DDAH1: variants seen among roughly 807,000 people sequenced by gnomAD.
DDAH1 encodes N(G),N(G)-dimethylarginine dimethylaminohydrolase 1.
In DDAH1, 19 loss-of-function variants were observed where a neutral mutation model predicts 28.8. That is an observed-to-expected ratio of 0.66 (90% CI 0.46 to 0.97). The LOEUF (loss-of-function observed/expected upper bound fraction) is 0.97, where lower values mean the gene tolerates loss of function less well. Among genes scored for constraint, DDAH1 ranks in the 50% least tolerant of loss-of-function variants. The probability of loss-of-function intolerance (pLI) is 0.00; values close to 1 mark genes in which losing one functional copy is unlikely to be tolerated. For missense variants in DDAH1, 326 were observed against 375.9 expected, an observed-to-expected ratio of 0.87 and a Z score of 1.10; for synonymous variants, 153 against 154.4, an observed-to-expected ratio of 0.99 and a Z score of 0.07.
chr1:85,471,890 G>T (rs527637463), intron 2 of DDAH1, among the ~76,000 whole-genome samples: 2 of 152,158 alleles, frequency 1.3e-5, no homozygotes, highest in Non-Finnish European at 2.9e-5. Flanking sequence ...GTGTTCCTCT[G>T]TTGGGGCTCA....
At chr1:85,536,112 C>T (rs1248614699) in intron 1 of DDAH1, among the ~76,000 whole-genome samples, 55 of 151,764 alleles carry the variant, frequency 3.6e-4, no homozygotes, top group African/African-American at 9.7e-4. Flanking sequence ...TGGCACGTGC[C>T]TGTAATCCCA....
intron 1 of DDAH1, among the ~76,000 whole-genome samples, chr1:85,519,977 T>C (rs1434598692): frequency 7.2e-6 from 1 of 138,946 alleles, no homozygotes; most frequent in African/African-American, 2.6e-5. Context: ...TTCCCCTTTA[T>C]TTATTTATTT....
Position 85,558,869 on chromosome 1 carries a change from G to C in DDAH1, c.-123+19115C>G, listed in dbSNP as rs528296660. 4.4e-4 allele frequency among the ~76,000 whole-genome samples: 67 copies of C among 152,106 alleles called. 1 individual carries two copies. In the Middle Eastern group the frequency reaches 0.02, roughly 46 times the overall value. On this transcript the variant is annotated intron_variant, in intron 1 of 6. Transcript: ENST00000426972. ...GCTCTGCTTTTGTTTAATTAACATT[G>C]GTTTGAGAGCCTTTTCTCAAGTCAT...
intron 2 of DDAH1, among the ~76,000 whole-genome samples, chr1:85,492,306 A>T (rs1337436154): frequency 6.6e-6 from 1 of 152,252 alleles, no homozygotes; most frequent in African/African-American, 2.4e-5. Context: ...AAAAAAATGC[A>T]AAAATGGACT....
At chr1:85,324,202 TG>T (rs1472987345) in intron 5 of DDAH1, among the ~76,000 whole-genome samples, 1 of 150,462 alleles carries the variant, frequency 6.6e-6, no homozygotes, top group Non-Finnish European at 1.5e-5. Context: ...GCCCGGGAGG[TG>T]GGGTTGCAGT....
At chr1:85,333,647 A>C (rs578098655) in intron 4 of DDAH1, among the ~76,000 whole-genome samples, 7 of 152,224 alleles carry the variant, frequency 4.6e-5, no homozygotes, top group African/African-American at 1.7e-4. Flanking sequence ...AAAAGAACCA[A>C]AGAGAAATCC....
chr1:85,578,125 G>T, exon 1 of DDAH1: 2 of 393,108 alleles, frequency 5.1e-6, no homozygotes, highest in Non-Finnish European at 6.9e-6. Context: ...TGTTTCTCTT[G>T]CCTAATGTCG....
intron 1 of DDAH1, among the ~76,000 whole-genome samples, chr1:85,401,765 A>T (rs1652121551): frequency 6.6e-6 from 1 of 152,026 alleles, no homozygotes; most frequent in African/African-American, 2.4e-5. Flanking sequence ...GGCCTCCCAA[A>T]GTGCTGGGAT....
At chr1:85,427,509 AGT>A (rs1653463886) in intron 1 of DDAH1, among the ~76,000 whole-genome samples, 4 of 152,212 alleles carry the variant, frequency 2.6e-5, no homozygotes, top group Non-Finnish European at 5.9e-5. Flanking sequence ...CTTTTACAGC[AGT>A]GAGATCTTTA....
At chr1:85,448,901 T>C (rs781632679) in intron 1 of DDAH1, among the ~76,000 whole-genome samples, 2 of 152,176 alleles carry the variant, frequency 1.3e-5, no homozygotes, top group Non-Finnish European at 2.9e-5. Flanking sequence ...AAGAACAAGT[T>C]TGTTAAACTG....
chr1:85,442,889 T>G (rs892795105), intron 1 of DDAH1, among the ~76,000 whole-genome samples: 1 of 152,230 alleles, frequency 6.6e-6, no homozygotes, highest in Non-Finnish European at 1.5e-5. Flanking sequence ...TTTTTTCTTG[T>G]AAATTTGTTT....
chr1:85,554,327 G>A (rs1658898776), intron 1 of DDAH1, among the ~76,000 whole-genome samples: 1 of 139,746 alleles, frequency 7.2e-6, no homozygotes. Flanking sequence ...CTTTTACTGG[G>A]AGAAGAGATC....
At chr1:85,479,330 C>T (rs576646722) in intron 2 of DDAH1, among the ~76,000 whole-genome samples, 82 of 151,034 alleles carry the variant, frequency 5.4e-4, no homozygotes, top group Non-Finnish European at 1.1e-3. Context: ...CCCGCCACCG[C>T]GCCCGGCTAA....
At chr1:85,415,268 C>A (rs1035087109) in intron 1 of DDAH1, among the ~76,000 whole-genome samples, 3 of 152,104 alleles carry the variant, frequency 2.0e-5, no homozygotes, top group Admixed American at 1.3e-4. Flanking sequence ...CCCACCTTGG[C>A]CTCCCAAAGT....
intron 1 of DDAH1, among the ~76,000 whole-genome samples, chr1:85,442,867 G>A (rs1306188161): frequency 6.6e-6 from 1 of 152,172 alleles, no homozygotes; most frequent in Non-Finnish European, 1.5e-5. Flanking sequence ...CCCACTTTTT[G>A]ATGGGGTTGA....
intron 1 of DDAH1, among the ~76,000 whole-genome samples, chr1:85,496,949 T>A (rs1287300128): frequency 2.0e-5 from 3 of 152,190 alleles, no homozygotes; most frequent in Non-Finnish European, 4.4e-5. Flanking sequence ...GCCTTAACAT[T>A]GAGGACATTC....
At chr1:85,513,673 C>T (rs1425728011) in intron 1 of DDAH1, among the ~76,000 whole-genome samples, 3 of 152,090 alleles carry the variant, frequency 2.0e-5, no homozygotes, top group African/African-American at 7.2e-5. Context: ...ACAAACAACC[C>T]TATCAAAAAG....
intron 1 of DDAH1, among the ~76,000 whole-genome samples, chr1:85,373,486 G>A (rs1342449224): frequency 6.6e-6 from 1 of 152,070 alleles, no homozygotes; most frequent in Non-Finnish European, 1.5e-5. Context: ...TCGTGACAAT[G>A]AGTGAGTTCT....
chr1:85,441,281 G>A (rs1421253298), intron 1 of DDAH1, among the ~76,000 whole-genome samples: 2 of 152,116 alleles, frequency 1.3e-5, no homozygotes, highest in African/African-American at 2.4e-5. Flanking sequence ...GGTGGCTCAC[G>A]CCTGTAATCC....
Sources: allele counts gnomAD v4.1 joint callset (sites outside exome capture counted in the v4.1 genomes callset), GRCh38; gene constraint gnomAD v4.1.1; transcripts MANE v1.5; gene names NCBI Gene and HGNC (gene_info 2026-07-23, HGNC 2026-07-21).